Variants in GLB1L3 observed in about 807,000 individuals in gnomAD.
GLB1L3 encodes galactosidase beta 1 like 3.
A neutral mutation model predicts 89.5 loss-of-function variants in GLB1L3; 89 were observed. That is an observed-to-expected ratio of 0.99 (90% CI 0.84 to 1.19). The LOEUF is 1.19. Among genes scored for constraint, GLB1L3 ranks in the 50% most tolerant of loss-of-function variants. GLB1L3 has a pLI of 0.00. For synonymous variants in GLB1L3, 314 were observed against 312.3 expected, an observed-to-expected ratio of 1.01 and a Z score of -0.06; for missense variants, 812 against 813.3, an observed-to-expected ratio of 1.00 and a Z score of 0.02.
rs1940839876 is a variant in GLB1L3 at position 134,283,819 on chromosome 11, CTGA to C, written c.612_614del (p.Ile205del). ...AGCAGTTGAGAAGTATTTTGACCAC[CTGA>C]TTCCCAGAGTGATTCCTCTCCAGGT... On this transcript the variant is annotated inframe_deletion, in exon 6 of 20. Coordinates refer to ENST00000431683, the MANE Select transcript of GLB1L3 (RefSeq NM_001080407.3). The C allele has an allele frequency of 6.2e-7, 1 of 1,610,554 alleles. No individual in the cohort carries two copies. The highest frequency in any genetic ancestry group is 1.3e-5 in the African/African-American group (1 of 74,854).
At position 134,277,765 on chromosome 11, in the gene GLB1L3, G is replaced by T. The variant is rs756217981; in HGVS notation, c.215G>T (p.Ser72Ile). ...KNRSVGLGTE[S>I]TGRGKPHFTL... is the part of the protein sequence containing the mutation. The stretch of plus-strand genomic sequence containing the variant: ...CGATCTGTGGGACTTGGAACTGAAA[G>T]CACAGGTCGGGGTAAGCCCCACTTC... The change falls in exon 3 of 20, where the codon AGC becomes ATC. Residue 72 changes from serine (S) to isoleucine (I), a missense_variant. Coordinates refer to ENST00000431683, the MANE Select transcript of GLB1L3 (RefSeq NM_001080407.3). The T allele has an allele frequency of 1.2e-6, 2 of 1,613,878 alleles. No individual in the cohort carries two copies. The highest frequency in any genetic ancestry group is 2.2e-5 in the East Asian group (1 of 44,866).
intron 11 of GLB1L3, 147 bp downstream of exon 11, chr11:134,309,910 C>T: frequency 1.1e-6 from 1 of 870,888 alleles, no homozygotes; most frequent in Non-Finnish European, 1.7e-6. Context: ...ACTTTCCTTC[C>T]TTCTGTATGT....
intron 9 of GLB1L3, among the ~76,000 whole-genome samples, chr11:134,302,196 G>A (rs934851743): frequency 3.9e-5 from 6 of 152,082 alleles, no homozygotes; most frequent in South Asian, 4.1e-4. Flanking sequence ...CAGAAACAGC[G>A]ATTTCTCCTA....
rs759978207 is a variant in GLB1L3, at chr11:134,293,193, A to G, written c.860A>G (p.Gln287Arg). 5.0e-6 allele frequency: 8 copies of G among 1,613,622 alleles called. No homozygotes were observed. In the Admixed American group the frequency reaches 1.0e-4, roughly 20 times the overall value. Residue 287 changes from glutamine (Q) to arginine (R), a missense_variant, in exon 9 of 20, where the codon CAG becomes CGG. Physicochemically the swap from Gln to Arg is conservative, Grantham distance 43 (BLOSUM62 1). Transcript: ENST00000431683. ...AAACTTCACCAGGATACTTTCAATC[A>G]GCTTCATAAAGTCCAGGTAAGACAT... ...LQKLHQDTFN[Q>R]LHKVQRDKPL...
intron 9 of GLB1L3, among the ~76,000 whole-genome samples, chr11:134,293,910 C>T (rs544812650): frequency 3.4e-4 from 51 of 152,220 alleles, no homozygotes; most frequent in African/African-American, 1.0e-3. Context: ...CCTCTGCCTC[C>T]GCTCCCAGCC....
downstream of GLB1L3, among the ~76,000 whole-genome samples, chr11:134,322,102 T>C (rs922543765): frequency 6.6e-6 from 1 of 152,164 alleles, no homozygotes; most frequent in Non-Finnish European, 1.5e-5. Flanking sequence ...AAAGATGCAA[T>C]GATCGAAAGT....
intron 9 of GLB1L3, among the ~76,000 whole-genome samples, chr11:134,295,975 T>TA (rs1263469532): frequency 6.6e-6 from 1 of 152,218 alleles, no homozygotes; most frequent in Non-Finnish European, 1.5e-5. Context: ...CCCAAGAACA[T>TA]ACTTGTATAA....
At chr11:134,300,960 A>C (rs186729559) in intron 9 of GLB1L3, among the ~76,000 whole-genome samples, 2 of 152,170 alleles carry the variant, frequency 1.3e-5, no homozygotes, top group Non-Finnish European at 2.9e-5. Context: ...CTTGCCCGGG[A>C]TTCTCCCGAA....
intron 10 of GLB1L3, among the ~76,000 whole-genome samples, chr11:134,308,503 C>CACCACCACCAAAT (rs1565414171): frequency 7.4e-5 from 1 of 13,560 alleles, no homozygotes; most frequent in East Asian, 1.2e-3. Flanking sequence ...CACCAAATAC[C>CACCACCACCAAAT]ACCACCACCA....
At chr11:134,284,512 G>A (rs1591537320) in intron 6 of GLB1L3, among the ~76,000 whole-genome samples, 1 of 152,202 alleles carries the variant, frequency 6.6e-6, no homozygotes, top group African/African-American at 2.4e-5. Context: ...GGGGTCACCT[G>A]AGGTCAGGAG....
intron 6 of GLB1L3, among the ~76,000 whole-genome samples, chr11:134,285,176 C>G (rs1316778050): frequency 6.6e-6 from 1 of 152,070 alleles, no homozygotes; most frequent in African/African-American, 2.4e-5. Context: ...GATCCCACCA[C>G]CTCTGCCTCC....
intron 7 of GLB1L3, 179 bp downstream of exon 7, chr11:134,289,069 T>C: frequency 1.9e-6 from 1 of 518,012 alleles, no homozygotes; most frequent in Non-Finnish European, 3.4e-6. Context: ...GCGTATAACT[T>C]TTGACTCCCT....
At chr11:134,294,308 T>A (rs1565400766) in intron 9 of GLB1L3, among the ~76,000 whole-genome samples, 1 of 152,156 alleles carries the variant, frequency 6.6e-6, no homozygotes, top group Non-Finnish European at 1.5e-5. Flanking sequence ...CCCCAGGTGA[T>A]CCACCCACCT....
intron 17 of GLB1L3, 125 bp from the exon 18 acceptor site, chr11:134,314,205 G>A (rs569649048): frequency 7.2e-5 from 53 of 738,744 alleles, no homozygotes; most frequent in South Asian, 5.8e-4. Flanking sequence ...TGATCTTAAC[G>A]CATCTAGTCT....
At chr11:134,305,749 G>A (rs1591572921) in intron 9 of GLB1L3, among the ~76,000 whole-genome samples, 1 of 152,262 alleles carries the variant, frequency 6.6e-6, no homozygotes, top group Non-Finnish European at 1.5e-5. Context: ...TTATTAATAT[G>A]CATAGAGATA....
intron 9 of GLB1L3, among the ~76,000 whole-genome samples, chr11:134,301,525 C>T (rs996926629): frequency 3.9e-5 from 6 of 152,138 alleles, no homozygotes; most frequent in African/African-American, 1.4e-4. Context: ...TCTGTCTTAA[C>T]ATTCTCATCA....
At chr11:134,319,687 C>G (rs1420754828), downstream of GLB1L3, 1 of 139,466 alleles carries the variant, frequency 7.2e-6, no homozygotes, top group African/African-American at 2.8e-5. Context: ...CTCACGGTCT[C>G]CCTCCTCTCT....
intron 5 of GLB1L3, among the ~76,000 whole-genome samples, chr11:134,282,920 C>G (rs1291046142): frequency 6.6e-6 from 1 of 152,212 alleles, no homozygotes; most frequent in African/African-American, 2.4e-5. Flanking sequence ...CCCGGCATAG[C>G]TTGGCTGGAG....
At chr11:134,308,313 A>T (rs1942389757) in intron 10 of GLB1L3, among the ~76,000 whole-genome samples, 1 of 55,818 alleles carries the variant, frequency 1.8e-5, no homozygotes, top group East Asian at 5.9e-4. Context: ...CACCACCACT[A>T]CCACCACCAT....
Sources: gnomAD v4.1 joint callset for allele counts (sites outside exome capture counted in the v4.1 genomes callset) on GRCh38, gnomAD v4.1.1 for gene constraint, MANE v1.5 for transcripts, NCBI Gene and HGNC (gene_info 2026-07-23, HGNC 2026-07-21) for gene names.